The following MINDY4 variants were observed in gnomAD, a reference collection of about 807,000 sequenced individuals.
MINDY4 encodes MINDY lysine 48 deubiquitinase 4, also known as probable ubiquitin carboxyl-terminal hydrolase MINDY-4.
A neutral mutation model predicts 87.0 loss-of-function variants in MINDY4; 68 were observed. The ratio of observed to expected loss-of-function variants is 0.78; its 90% CI spans 0.64 to 0.96. The LOEUF is 0.96. Ranked by LOEUF, MINDY4 falls within the 40% of genes least tolerant of loss-of-function variation. The pLI, the probability that MINDY4 is intolerant of heterozygous loss-of-function variation, is 0.00. For missense variants in MINDY4, 919 were observed against 928.2 expected, an observed-to-expected ratio of 0.99 and a Z score of 0.13; for synonymous variants, 379 against 363.2, an observed-to-expected ratio of 1.04 and a Z score of -0.50.
intron 5 of MINDY4, among the ~76,000 whole-genome samples, chr7:30,811,955 G>A (rs1458981010): frequency 6.6e-6 from 1 of 152,146 alleles, no homozygotes; most frequent in African/African-American, 2.4e-5. Context: ...TGTCTGAGGG[G>A]TTTTGTCTGT....
chr7:30,834,309 A>G (rs1473539839), intron 6 of MINDY4, among the ~76,000 whole-genome samples: 1 of 152,222 alleles, frequency 6.6e-6, no homozygotes, highest in Non-Finnish European at 1.5e-5. Flanking sequence ...TGCAGGCTCA[A>G]CACCACATGG....
At chr7:30,804,607 G>C (rs1356782035) in intron 5 of MINDY4, among the ~76,000 whole-genome samples, 1 of 152,084 alleles carries the variant, frequency 6.6e-6, no homozygotes, top group Non-Finnish European at 1.5e-5. Flanking sequence ...ATAGTTTCAG[G>C]GATAATTATG....
intron 5 of MINDY4, among the ~76,000 whole-genome samples, chr7:30,824,057 G>A (rs533576324): frequency 5.3e-5 from 8 of 152,284 alleles, no homozygotes; most frequent in South Asian, 2.1e-4. Context: ...TATAGCAAAT[G>A]TCTTAGTCTG....
chr7:30,888,071 G>A (rs931891192), intron 17 of MINDY4, among the ~76,000 whole-genome samples: 2 of 152,224 alleles, frequency 1.3e-5, no homozygotes, highest in Admixed American at 1.3e-4. Flanking sequence ...GGCTGACACA[G>A]GCTCTATCAG....
intron 13 of MINDY4, among the ~76,000 whole-genome samples, chr7:30,865,079 C>A (rs1291321870): frequency 6.6e-6 from 1 of 152,152 alleles, no homozygotes; most frequent in African/African-American, 2.4e-5. Flanking sequence ...CCTCTGCCAG[C>A]CCAGAATAAT....
rs78628968 is a variant in MINDY4, at chr7:30,778,581, T to C, written c.183+30T>C. On this transcript the variant is annotated intron_variant, in intron 2 of 17. Coordinates refer to ENST00000265299, the MANE Select transcript of MINDY4 (RefSeq NM_032222.3). ...GTGCTTTCTAAGGTGTGGTGTGGAGTCTTGGAACTGAGTTTGGCACTGCCA... is the reference window on the plus strand; with the variant it reads ...GTGCTTTCTAAGGTGTGGTGTGGAGCCTTGGAACTGAGTTTGGCACTGCCA... 2.5e-6 allele frequency: 4 copies of C among 1,613,330 alleles called. No homozygotes were observed. In the East Asian group the frequency reaches 8.9e-5, roughly 36 times the overall value.
intron 5 of MINDY4, among the ~76,000 whole-genome samples, chr7:30,808,155 A>G (rs1426301486): frequency 6.6e-6 from 1 of 152,180 alleles, no homozygotes; most frequent in Non-Finnish European, 1.5e-5. Context: ...ATGCCTTGCC[A>G]GAGCAGTGCG....
chr7:30,873,983 G>C (rs1357410165), intron 14 of MINDY4, among the ~76,000 whole-genome samples: 1 of 152,178 alleles, frequency 6.6e-6, no homozygotes, highest in Admixed American at 6.5e-5. Flanking sequence ...CTCTTTTACT[G>C]TCACTGGGGC....
intron 5 of MINDY4, among the ~76,000 whole-genome samples, chr7:30,823,854 C>T (rs1788416231): frequency 6.6e-6 from 1 of 152,140 alleles, no homozygotes. Context: ...CTTCTCTCTT[C>T]TAGGGAATCT....
chr7:30,858,140 G>A (rs931220088), intron 12 of MINDY4: 4 of 152,120 alleles, frequency 2.6e-5, no homozygotes, highest in African/African-American at 9.7e-5. Context: ...TTTCCAAAGT[G>A]GAATGAGTGA....
chr7:30,792,210 T>G (rs1304270954), intron 5 of MINDY4, among the ~76,000 whole-genome samples: 1 of 152,238 alleles, frequency 6.6e-6, no homozygotes, highest in African/African-American at 2.4e-5. Flanking sequence ...TTCTGAATGT[T>G]AAACCAACCT....
intron 13 of MINDY4, among the ~76,000 whole-genome samples, chr7:30,867,253 T>G (rs1345584443): frequency 6.6e-6 from 1 of 152,224 alleles, no homozygotes; most frequent in Admixed American, 6.5e-5. Context: ...TCTTCAGATA[T>G]TCACAGCTCC....
At chr7:30,830,670 A>C (rs530463466) in intron 6 of MINDY4, among the ~76,000 whole-genome samples, 1 of 152,184 alleles carries the variant, frequency 6.6e-6, no homozygotes. Flanking sequence ...ACCTCCCATC[A>C]GTTCCCTCCT....
chr7:30,778,616 T>TG (rs1786901818), intron 2 of MINDY4, 65 bp downstream of exon 2: 7 of 1,592,610 alleles, frequency 4.4e-6, no homozygotes, highest in Non-Finnish European at 6.0e-6. Flanking sequence ...AAAGCACTCA[T>TG]GGGCCCTGCC....
chr7:30,796,798 T>C (rs1584248908), intron 5 of MINDY4: 1 of 152,076 alleles, frequency 6.6e-6, no homozygotes, highest in Non-Finnish European at 1.5e-5. Flanking sequence ...CCATCACAGA[T>C]GTCACTAACC....
chr7:30,858,922 A>C, intron 12 of MINDY4: 2 of 543,216 alleles, frequency 3.7e-6, no homozygotes, highest in Non-Finnish European at 7.1e-6. Flanking sequence ...GGACTGTTAG[A>C]GTGTTCGGGG....
intron 5 of MINDY4, among the ~76,000 whole-genome samples, chr7:30,801,997 A>G (rs1459974933): frequency 6.6e-6 from 1 of 151,852 alleles, no homozygotes; most frequent in East Asian, 1.9e-4. Flanking sequence ...GGCTGGGAAG[A>G]TGTTCCATGC....
At chr7:30,832,706 C>T (rs1056150797) in intron 6 of MINDY4, among the ~76,000 whole-genome samples, 18 of 152,112 alleles carry the variant, frequency 1.2e-4, no homozygotes, top group African/African-American at 2.4e-4. Context: ...GATGGGGTTT[C>T]GCCATGTTGG....
In MINDY4 at chr7:30,847,379, A is replaced by G. The variant is rs114691213; in HGVS notation, c.1446-3075A>G. Among the ~76,000 whole-genome samples, 891 of 152,324 alleles carry G rather than the reference A, an allele frequency of 5.8e-3. 8 individuals are homozygous for G. The highest frequency in any genetic ancestry group is 0.021 in the African/African-American group (865 of 41,576). On this transcript the variant is annotated intron_variant, in intron 9 of 17. Transcript: ENST00000265299. The stretch of plus-strand genomic sequence containing the variant: ...AGCAGAGCCTGTAGGATGAGGGGAC[A>G]GGCCCTGCCCAAGAGCAAGATCTCT...
Sources: allele counts gnomAD v4.1 joint callset (sites outside exome capture counted in the v4.1 genomes callset), GRCh38; gene constraint gnomAD v4.1.1; transcripts MANE v1.5; gene names NCBI Gene and HGNC (gene_info 2026-07-23, HGNC 2026-07-21).